The following GALNT2 variants were observed in gnomAD, a reference collection of about 807,000 sequenced individuals.
The protein encoded by GALNT2 is UDP-GalNAc:polypeptide N-acetylgalactosaminyltransferase 2.
In GALNT2, 31 loss-of-function variants were observed where a neutral mutation model predicts 81.4. The ratio of observed to expected loss-of-function variants is 0.38; its 90% CI spans 0.29 to 0.51. GALNT2 has a LOEUF of 0.51. GALNT2 is among the 20% of genes least tolerant of loss of function. The pLI is 0.87. For missense variants in GALNT2, 629 were observed against 765.7 expected (o/e 0.82, Z 2.11); for synonymous variants, 303 against 287.4 (o/e 1.05, Z -0.55).
intron 1 of GALNT2, among the ~76,000 whole-genome samples, chr1:230,148,509 G>C (rs2102832551): frequency 6.6e-6 from 1 of 152,364 alleles, no homozygotes; most frequent in East Asian, 1.9e-4. Context: ...CTTGCTTCTA[G>C]CGGTCCCTCA....
intron 3 of GALNT2, among the ~76,000 whole-genome samples, chr1:230,228,999 C>T: frequency 6.6e-6 from 1 of 152,124 alleles, no homozygotes; most frequent in East Asian, 1.9e-4. Context: ...CTGTTATAAC[C>T]TGTTAAAAGC....
At chr1:230,184,160 C>G (rs1056897874) in intron 2 of GALNT2, among the ~76,000 whole-genome samples, 6 of 151,128 alleles carry the variant, frequency 4.0e-5, no homozygotes, top group Non-Finnish European at 8.8e-5. Flanking sequence ...TTGAGGAAGT[C>G]TCTATCCCTT....
chr1:230,131,360 G>T (rs1661361929), intron 1 of GALNT2, among the ~76,000 whole-genome samples: 1 of 152,126 alleles, frequency 6.6e-6, no homozygotes, highest in African/African-American at 2.4e-5. Context: ...CCTAGACAAA[G>T]CTTTGCTTCC....
At chr1:230,206,829 A>G (rs1664070616) in intron 3 of GALNT2, among the ~76,000 whole-genome samples, 1 of 152,160 alleles carries the variant, frequency 6.6e-6, no homozygotes, top group African/African-American at 2.4e-5. Context: ...TGTGACCTTT[A>G]TCATCTATAA....
At chr1:230,144,120 G>A (rs1661836246) in intron 1 of GALNT2, among the ~76,000 whole-genome samples, 1 of 152,186 alleles carries the variant, frequency 6.6e-6, no homozygotes. Context: ...GCCACACCTG[G>A]ATCGGGAGGC....
intron 1 of GALNT2, among the ~76,000 whole-genome samples, chr1:230,106,988 C>A (rs1045413385): frequency 2.0e-5 from 3 of 152,214 alleles, no homozygotes; most frequent in African/African-American, 7.2e-5. Context: ...AGGATCCAGG[C>A]AATCTGACTC....
At chr1:230,165,645 A>G (rs141888589) in intron 1 of GALNT2, among the ~76,000 whole-genome samples, 82 of 152,358 alleles carry the variant, frequency 5.4e-4, no homozygotes, top group South Asian at 4.3e-3. Context: ...TGTGATGCCA[A>G]GTATTGAGAT....
Position 230,255,223 on chromosome 1 carries a change from T to G in GALNT2, c.1015T>G (p.Ser339Ala). Residue 339 changes from serine to alanine, a missense_variant, in exon 11 of 16, where the codon TCG becomes GCG. Ser to Ala is a moderately conservative substitution (Grantham distance 99). Around this residue, in one of 3 missense-constraint regions of GALNT2, gnomAD observed 360 missense variants for 492.8 expected, o/e 0.73. Transcript: ENST00000366672. ...DVWGGENLEISFRVWQCGGSL... is the reference protein window; with the variant it reads ...DVWGGENLEIAFRVWQCGGSL... ...TGTCTTGTTCATCGTCTCAGAGATC[T>G]CGTTCCGCGTGTGGCAGTGTGGTGG... The G allele has an allele frequency of 1.2e-6, 2 of 1,614,216 alleles. No individual in the cohort carries two copies. Among genetic ancestry groups the G allele is most frequent in the Non-Finnish European group, 1.7e-6 (2 of 1,180,042 alleles).
chr1:230,209,807 G>C (rs1664177781), intron 3 of GALNT2, among the ~76,000 whole-genome samples: 1 of 149,796 alleles, frequency 6.7e-6, no homozygotes, highest in African/African-American at 2.5e-5. Flanking sequence ...CTGGGTGGCA[G>C]AGCAAGACCT....
chr1:230,113,502 G>A (rs970851641), intron 1 of GALNT2, among the ~76,000 whole-genome samples: 1 of 152,142 alleles, frequency 6.6e-6, no homozygotes, highest in Non-Finnish European at 1.5e-5. Context: ...ACCTGCTGGG[G>A]CAAGAAGCCT....
At chr1:230,128,872 G>A (rs6667736) in intron 1 of GALNT2, among the ~76,000 whole-genome samples, 108,118 of 152,152 alleles carry the variant, frequency 0.71, 38,672 homozygotes, top group South Asian at 0.8. Context: ...TTTCTGGTTC[G>A]GGGACATCTC....
At chr1:230,191,222 A>G (rs1330068592) in intron 2 of GALNT2, among the ~76,000 whole-genome samples, 1 of 152,220 alleles carries the variant, frequency 6.6e-6, no homozygotes, top group Non-Finnish European at 1.5e-5. Flanking sequence ...CTCCCACCCC[A>G]TAGCTGAAGT....
chr1:230,257,398 G>A lies in GALNT2; in HGVS notation c.1136+2054G>A, dbSNP rs905238147. Among the ~76,000 whole-genome samples the A allele has an allele frequency of 1.3e-5, 2 of 152,154 alleles. No homozygotes were observed. Among genetic ancestry groups the A allele is most frequent in the African/African-American group, 2.4e-5 (1 of 41,436 alleles). ...ATGCACCTGTAACAGCGTTTCGGTC[G>A]GTGACAGTAGTCCCATAAGATTATA... On this transcript the variant is annotated intron_variant, in intron 11 of 15. Coordinates refer to ENST00000366672, the MANE Select transcript of GALNT2 (RefSeq NM_004481.5). This position sits in a 1 kb window ranked among gnomAD's most constrained non-coding sequence, Gnocchi z 4.6.
At chr1:230,135,637 G>A (rs561759416) in intron 1 of GALNT2, among the ~76,000 whole-genome samples, 79 of 152,214 alleles carry the variant, frequency 5.2e-4, no homozygotes, top group Non-Finnish European at 8.1e-4. Context: ...TGGCAGGCTC[G>A]GCTCTGGATT....
At chr1:230,240,349 T>C (rs1665161173) in intron 6 of GALNT2, among the ~76,000 whole-genome samples, 1 of 152,190 alleles carries the variant, frequency 6.6e-6, no homozygotes, top group East Asian at 1.9e-4. Context: ...ATCCCAGCAC[T>C]TTGGGAGGCC....
intron 1 of GALNT2, among the ~76,000 whole-genome samples, chr1:230,061,420 C>T (rs926794810): frequency 3.3e-5 from 5 of 152,164 alleles, no homozygotes; most frequent in Non-Finnish European, 5.9e-5. Context: ...ATACCCATAA[C>T]ACTATGAAAA....
chr1:230,127,887 G>A (rs1370514521), intron 1 of GALNT2, among the ~76,000 whole-genome samples: 1 of 152,190 alleles, frequency 6.6e-6, no homozygotes, highest in Non-Finnish European at 1.5e-5. Context: ...ATGTCTTACA[G>A]GCCAAGACGG....
At chr1:230,223,236 A>G (rs1381381020) in intron 3 of GALNT2, among the ~76,000 whole-genome samples, 2 of 146,898 alleles carry the variant, frequency 1.4e-5, no homozygotes, top group East Asian at 4.0e-4. Flanking sequence ...TGTGTTGCCC[A>G]GGCTGTCCTT....
intron 1 of GALNT2, among the ~76,000 whole-genome samples, chr1:230,131,608 C>T (rs529904438): frequency 1.1e-4 from 16 of 152,318 alleles, no homozygotes; most frequent in African/African-American, 3.1e-4. Context: ...ATTTAAACCT[C>T]GCACTGTCTC....
Sources: gnomAD v4.1 joint callset for allele counts (sites outside exome capture counted in the v4.1 genomes callset) on GRCh38, gnomAD v4.1.1 for gene constraint, gnomAD v4.1.1 regional missense constraint, Gnocchi (gnomAD v3.1) non-coding constraint, MANE v1.5 for transcripts, NCBI Gene and HGNC (gene_info 2026-07-23, HGNC 2026-07-21) for gene names.